The following DLG2 variants were observed in gnomAD, a reference collection of about 807,000 sequenced individuals.
DLG2 encodes disks large homolog 2.
A neutral mutation model predicts 132.5 loss-of-function variants in DLG2; 45 were observed. The ratio of observed to expected loss-of-function variants is 0.34; its 90% CI spans 0.27 to 0.44. The LOEUF is 0.44. Ranked by LOEUF, DLG2 falls within the 20% of genes least tolerant of loss-of-function variation. DLG2 has a pLI of 1.00. For synonymous variants in DLG2, 424 were observed against 419.6 expected (o/e 1.01, Z -0.13); for missense variants, 1,045 against 1,196.9 (o/e 0.87, Z 1.87).
intron 11 of DLG2, among the ~76,000 whole-genome samples, chr11:83,982,086 T>C (rs1337312689): frequency 6.6e-6 from 1 of 152,178 alleles, no homozygotes; most frequent in African/African-American, 2.4e-5. Context: ...ACCTACTGCA[T>C]TTCTAGTCAC....
At chr11:85,399,237 C>T (rs984703445) in intron 3 of DLG2, among the ~76,000 whole-genome samples, 3 of 152,074 alleles carry the variant, frequency 2.0e-5, no homozygotes, top group Non-Finnish European at 2.9e-5. Context: ...TATGAAGGAC[C>T]TCTTCAAGGA....
chr11:85,410,920 T>C (rs1362244175), intron 3 of DLG2, among the ~76,000 whole-genome samples: 1 of 151,826 alleles, frequency 6.6e-6, no homozygotes, highest in Non-Finnish European at 1.5e-5. Context: ...TTTGCTTCAG[T>C]TGACAGATGC....
At chr11:83,524,770 G>T in intron 21 of DLG2, among the ~76,000 whole-genome samples, 1 of 152,056 alleles carries the variant, frequency 6.6e-6, no homozygotes. Flanking sequence ...TGAGCACACC[G>T]GGCTGTTTCC....
At chr11:83,564,016 TGTTG>T (rs2096659455) in intron 19 of DLG2, among the ~76,000 whole-genome samples, 2 of 152,182 alleles carry the variant, frequency 1.3e-5, no homozygotes, top group Admixed American at 1.3e-4. Context: ...ATAATTAGAC[TGTTG>T]GCCAGAATTT....
chr11:85,060,046 C>T (rs867976320), intron 6 of DLG2, among the ~76,000 whole-genome samples: 2 of 151,590 alleles, frequency 1.3e-5, no homozygotes, highest in Middle Eastern at 3.4e-3. Flanking sequence ...ATCTGTAGAA[C>T]TTTTTCACCT....
At chr11:84,146,469 A>C (rs1335076087) in intron 9 of DLG2, among the ~76,000 whole-genome samples, 2 of 152,302 alleles carry the variant, frequency 1.3e-5, no homozygotes, top group African/African-American at 4.8e-5. Flanking sequence ...AAATATATAC[A>C]CCTACTATGT....
chr11:84,868,361 C>T (rs1336802471), intron 6 of DLG2, among the ~76,000 whole-genome samples: 1 of 151,936 alleles, frequency 6.6e-6, no homozygotes, highest in African/African-American at 2.4e-5. Context: ...TTTTCTTAAA[C>T]ACATGCCCTT....
chr11:85,556,249 T>A (rs569942405), intron 3 of DLG2, among the ~76,000 whole-genome samples: 2 of 152,022 alleles, frequency 1.3e-5, no homozygotes, highest in East Asian at 3.9e-4. Context: ...CTACTTCATT[T>A]GAAATTTGGA....
chr11:84,541,340 C>T (rs998939969), intron 6 of DLG2, among the ~76,000 whole-genome samples: 28 of 151,944 alleles, frequency 1.8e-4, no homozygotes, highest in African/African-American at 6.8e-4. Flanking sequence ...TCATTTTGCC[C>T]CTGACTTCTG....
In DLG2 at chr11:84,733,051, T is replaced by G. The variant is rs577978877; in HGVS notation, c.358-198320A>C. Among the ~76,000 whole-genome samples the G allele has an allele frequency of 6.1e-3, 928 of 152,288 alleles. 4 individuals carry two copies. Among genetic ancestry groups the G allele is most frequent in the Non-Finnish European group, 0.01 (698 of 68,030 alleles). ...AATCCAATCTATCATTGTTGGACAT[T>G]TGGGTTGGTTCCAAGTCTTTGCTAT... On this transcript the variant is annotated intron_variant, in intron 6 of 27. Coordinates refer to ENST00000376104, the MANE Select transcript of DLG2 (RefSeq NM_001142699.3).
At chr11:84,777,074 T>C (rs1274302389) in intron 6 of DLG2, among the ~76,000 whole-genome samples, 1 of 151,654 alleles carries the variant, frequency 6.6e-6, no homozygotes, top group African/African-American at 2.4e-5. Context: ...GTCTTGGGTG[T>C]CTGTCATTTC....
At chr11:84,038,101 C>T (rs1404087086) in intron 11 of DLG2, among the ~76,000 whole-genome samples, 1 of 151,876 alleles carries the variant, frequency 6.6e-6, no homozygotes, top group Non-Finnish European at 1.5e-5. Flanking sequence ...AGTTATTTTT[C>T]CTGATCCTCT....
intron 6 of DLG2, among the ~76,000 whole-genome samples, chr11:84,566,512 TG>T (rs2099456517): frequency 6.6e-6 from 1 of 152,186 alleles, no homozygotes; most frequent in Non-Finnish European, 1.5e-5. Context: ...AACACAGCTT[TG>T]TTTGTCTAAC....
chr11:84,201,039 T>C (rs928893718), intron 8 of DLG2, among the ~76,000 whole-genome samples: 4 of 152,200 alleles, frequency 2.6e-5, no homozygotes, highest in African/African-American at 9.6e-5. Flanking sequence ...TCAATAGGAA[T>C]GCTTCCAGCT....
chr11:84,549,705 G>A (rs989577564), intron 6 of DLG2, among the ~76,000 whole-genome samples: 1 of 152,042 alleles, frequency 6.6e-6, no homozygotes, highest in Non-Finnish European at 1.5e-5. Context: ...GCCAGGACCC[G>A]CCTCCTAACA....
chr11:85,164,402 A>C (rs532196771), intron 4 of DLG2, among the ~76,000 whole-genome samples: 1 of 152,114 alleles, frequency 6.6e-6, no homozygotes, highest in Non-Finnish European at 1.5e-5. Context: ...CTCATACCAG[A>C]TGTTGTCCCA....
chr11:84,768,209 C>T (rs914372165), intron 6 of DLG2, among the ~76,000 whole-genome samples: 1 of 152,148 alleles, frequency 6.6e-6, no homozygotes, highest in African/African-American at 2.4e-5. Context: ...TCTTATCCTA[C>T]CCCAAGATGT....
intron 8 of DLG2, among the ~76,000 whole-genome samples, chr11:84,165,875 G>A (rs957118975): frequency 3.3e-5 from 5 of 152,032 alleles, no homozygotes; most frequent in South Asian, 4.1e-4. Flanking sequence ...TCCAGCCTGG[G>A]TGAAAGAGTG....
Position 83,466,890 on chromosome 11 carries a change from G to A in DLG2, c.2620-73C>T, listed in dbSNP as rs894477469. On this transcript the variant is annotated intron_variant, in intron 25 of 27. Coordinates refer to ENST00000376104, the MANE Select transcript of DLG2 (RefSeq NM_001142699.3). ...CATAATCCAACAAAAGGAAACTAAT[G>A]TATGTAGGTTTTAGAGGAAGGTAGG... 15 of 1,027,212 alleles carry A rather than the reference G, an allele frequency of 1.5e-5. No individual in the cohort carries two copies. The Admixed American group carries it at 2.5e-4, about 17-fold the overall frequency. 63.6% of individuals were successfully genotyped at this position (1,027,212 alleles called of 1,614,324 possible). A position where few individuals can be genotyped will look rare whatever the true frequency, so the allele number is the denominator to read the frequency against.
Sources: allele counts gnomAD v4.1 joint callset (sites outside exome capture counted in the v4.1 genomes callset), GRCh38; gene constraint gnomAD v4.1.1; transcripts MANE v1.5; gene names NCBI Gene and HGNC (gene_info 2026-07-23, HGNC 2026-07-21).